The following PRKCZ variants were observed in gnomAD, a reference collection of about 807,000 sequenced individuals.
PRKCZ encodes the protein protein kinase C zeta type.
PRKCZ carries 33 observed loss-of-function variants against 79.5 expected under a neutral mutation model. That is an observed-to-expected ratio of 0.41 (90% confidence interval 0.31 to 0.55). The LOEUF (loss-of-function observed/expected upper bound fraction) is 0.55, where lower values mean the gene tolerates loss of function less well. Among genes scored for constraint, PRKCZ ranks in the 20% least tolerant of loss-of-function variants. The pLI, the probability that PRKCZ is intolerant of heterozygous loss-of-function variation, is 0.19. For missense variants in PRKCZ, 578 were observed against 813.5 expected (o/e 0.71, Z 3.52); for synonymous variants, 342 against 320.9 (o/e 1.07, Z -0.70).
chr1:2,097,508 A>G (rs377731632), intron 4 of PRKCZ, among the ~76,000 whole-genome samples: 2 of 152,312 alleles, frequency 1.3e-5, no homozygotes, highest in African/African-American at 4.8e-5. Context: ...GGACCCGGTG[A>G]GCCAGTGACT....
rs1161531808 is a variant in PRKCZ, at chr1:2,177,554, C to G, written c.1575+2241C>G. ...TGTGGAGTGACGGGCTCCTTCTCTT[C>G]GGAGCACTGTCTAATCTGAGTGTGA... On this transcript the variant is annotated intron_variant, in intron 16 of 17. Transcript: ENST00000378567. The surrounding 1 kb of genome is among the most constrained non-coding windows in gnomAD (Gnocchi z 6.4). Among the ~76,000 whole-genome samples the G allele has an allele frequency of 2.6e-5, 4 of 152,186 alleles. No homozygotes were observed. Among genetic ancestry groups the G allele is most frequent in the Non-Finnish European group, 4.4e-5 (3 of 68,032 alleles).
intron 5 of PRKCZ, among the ~76,000 whole-genome samples, chr1:2,135,712 C>G (rs375672892): frequency 6.6e-6 from 1 of 152,212 alleles, no homozygotes; most frequent in Non-Finnish European, 1.5e-5. Context: ...TGTTTTCAGC[C>G]GCACACAGTG....
chr1:2,079,069 T>G (rs988522150), intron 4 of PRKCZ, among the ~76,000 whole-genome samples: 1 of 152,148 alleles, frequency 6.6e-6, no homozygotes, highest in Admixed American at 6.5e-5. Context: ...GTCTCGATCT[T>G]CTGACCTTGT....
At chr1:2,153,796 G>A (rs1380104754) in intron 9 of PRKCZ, among the ~76,000 whole-genome samples, 1 of 152,262 alleles carries the variant, frequency 6.6e-6, no homozygotes, top group Non-Finnish European at 1.5e-5. Flanking sequence ...TGTGGGCCGG[G>A]ATGCCGAGGT....
At position 2,175,492 on chromosome 1, in the gene PRKCZ, C is replaced by T. The variant is rs553976582; in HGVS notation, c.1575+179C>T. Among the ~76,000 whole-genome samples, 13 of 144,068 alleles carry T rather than the reference C, an allele frequency of 9.0e-5. 1 individual carries two copies. In the South Asian group the frequency reaches 2.3e-3, roughly 25 times the overall value. 94.5% of individuals were successfully genotyped at this position (144,068 alleles called of 152,430 possible). On this transcript the variant is annotated intron_variant, in intron 16 of 17. Transcript: ENST00000378567. ...CTCACCCCACCACCAACCCAACCCCCAGCCCAACTCCCACCCCAACCCCCA... is the reference window on the plus strand; with the variant it reads ...CTCACCCCACCACCAACCCAACCCCTAGCCCAACTCCCACCCCAACCCCCA...
In PRKCZ at chr1:2,185,273, G is replaced by A. The variant is rs1292561508; in HGVS notation, c.*264G>A. The A allele has an allele frequency of 1.1e-5, 8 of 716,668 alleles. No homozygotes were observed. In the African/African-American group the frequency reaches 1.2e-4, roughly 11 times the overall value. The allele number at this position is 716,668 out of a possible 1,614,324, so 44.4% of individuals were successfully genotyped here. A position where few individuals can be genotyped will look rare whatever the true frequency, so the allele number is the denominator to read the frequency against. On this transcript the variant is annotated 3_prime_UTR_variant, in exon 18 of 18. Transcript: ENST00000378567. The stretch of plus-strand genomic sequence containing the variant: ...GGATCCGCGGGGACCCTGCCGAGGG[G>A]GCTGTCATGCGGTTTCCAAGGTGCA...
intron 4 of PRKCZ, among the ~76,000 whole-genome samples, chr1:2,076,797 G>T (rs1395274923): frequency 6.6e-6 from 1 of 151,932 alleles, no homozygotes; most frequent in Non-Finnish European, 1.5e-5. Flanking sequence ...GAACCAGTCG[G>T]TCGTCCAGTG....
In PRKCZ at chr1:2,173,612, ACCAGTG is replaced by A. The variant is rs1368070239; in HGVS notation, c.1286-282_1286-277del. Among the ~76,000 whole-genome samples the A allele has an allele frequency of 2.0e-5, 3 of 152,222 alleles. No homozygotes were observed. The highest frequency in any genetic ancestry group is 2.9e-5 in the Non-Finnish European group (2 of 68,028). On this transcript the variant is annotated intron_variant, in intron 13 of 17. Coordinates refer to ENST00000378567, the MANE Select transcript of PRKCZ (RefSeq NM_002744.6). This position sits in a 1 kb window ranked among gnomAD's most constrained non-coding sequence, Gnocchi z 5.7. Reference sequence around the variant, plus strand: ...GAGAGGAGGGTCGTCCGCAGGTTCCACCAGTGCCTCGTGCCGGTGTGGTCACAGGTG... The same window carrying A: ...GAGAGGAGGGTCGTCCGCAGGTTCCACCTCGTGCCGGTGTGGTCACAGGTG...
At chr1:2,144,161 G>A (rs930367505) in intron 5 of PRKCZ, 49 bp from the exon 6 acceptor site, 38 of 1,542,238 alleles carry the variant, frequency 2.5e-5, no homozygotes, top group Admixed American at 7.9e-5. Flanking sequence ...TGTCCTCTCC[G>A]CTGGCCCCTC....
chr1:2,122,168 CGTGGTGGTTAGGGTT>C (rs1206052619), intron 4 of PRKCZ, among the ~76,000 whole-genome samples: 5 of 1,628 alleles, frequency 3.1e-3, no homozygotes, highest in Admixed American at 0.013. Context: ...TGGTTAGGGT[CGTGGTGGTTAGGGTT>C]GTGGTGGTTA....
At chr1:2,051,728 G>T (rs1659680981) in intron 1 of PRKCZ, among the ~76,000 whole-genome samples, 1 of 152,168 alleles carries the variant, frequency 6.6e-6, no homozygotes. Context: ...GTGCCCCGGG[G>T]GTCTCTATGG....
intron 10 of PRKCZ, among the ~76,000 whole-genome samples, chr1:2,160,495 G>A (rs977466707): frequency 6.6e-6 from 1 of 152,180 alleles, no homozygotes; most frequent in African/African-American, 2.4e-5. Context: ...CGAGGGCAAT[G>A]GTGTGTGTCA....
At chr1:2,180,006 G>A (rs976841175) in intron 16 of PRKCZ, among the ~76,000 whole-genome samples, 3 of 152,210 alleles carry the variant, frequency 2.0e-5, no homozygotes, top group East Asian at 1.9e-4. Flanking sequence ...TATGGGAGAC[G>A]TGGAGCAGTG....
chr1:2,068,807 G>A (rs559644120), intron 4 of PRKCZ, among the ~76,000 whole-genome samples: 27 of 152,324 alleles, frequency 1.8e-4, no homozygotes, highest in Admixed American at 3.9e-4. Flanking sequence ...TGCCAGTGGC[G>A]CTGGTCATTG....
At chr1:2,181,078 G>A (rs1325819100) in intron 16 of PRKCZ, among the ~76,000 whole-genome samples, 2 of 124,580 alleles carry the variant, frequency 1.6e-5, no homozygotes, top group Non-Finnish European at 3.4e-5. Flanking sequence ...CAGCCCTGCT[G>A]CTTCTCCCCA....
chr1:2,160,258 T>A (rs1470861354), intron 10 of PRKCZ, among the ~76,000 whole-genome samples: 2 of 151,812 alleles, frequency 1.3e-5, no homozygotes, highest in Non-Finnish European at 2.9e-5. Context: ...TGTGTGTGTG[T>A]GTGTGTGTGT....
chr1:2,109,727 T>C (rs561046157), intron 4 of PRKCZ, among the ~76,000 whole-genome samples: 6 of 152,124 alleles, frequency 3.9e-5, no homozygotes, highest in Non-Finnish European at 5.9e-5. Flanking sequence ...GGGCTCTCAT[T>C]CTCCCCATTG....
Position 2,095,417 on chromosome 1 carries a change from A to G in PRKCZ, c.334+35826A>G, listed in dbSNP as rs140707177. Reference sequence around the variant, plus strand: ...GCTGAGCATTGGTGGAGGAGGCCACAACCGGTGCCCAGTGGTTGAGTCGCT... The same window carrying G: ...GCTGAGCATTGGTGGAGGAGGCCACGACCGGTGCCCAGTGGTTGAGTCGCT... On this transcript the variant is annotated intron_variant, in intron 4 of 17. Coordinates refer to ENST00000378567, the MANE Select transcript of PRKCZ (RefSeq NM_002744.6). Among the ~76,000 whole-genome samples, 1,355 of 152,190 alleles carry G rather than the reference A, an allele frequency of 8.9e-3. 29 individuals are homozygous for G. Among genetic ancestry groups the G allele is most frequent in the African/African-American group, 0.031 (1,277 of 41,494 alleles).
Position 2,135,292 on chromosome 1 carries a change from G to A in PRKCZ, c.365G>A (p.Trp122Ter), listed in dbSNP as rs1675954884. Residue 122 changes from tryptophan (W) to a stop codon, truncating the protein, a stop_gained, in exon 5 of 18, where the codon TGG becomes TAG. Transcript: ENST00000378567. LOFTEE classifies it high-confidence loss of function. ...KSIYRRGARR[W>*]RKLYRANGHL... ...ATCTACCGCCGGGGAGCCAGAAGAT[G>A]GAGGAAGCTGTACCGTGCCAACGGC... 3 of 1,613,454 alleles carry A rather than the reference G, an allele frequency of 1.9e-6. No individual in the cohort carries two copies. The highest frequency in any genetic ancestry group is 2.5e-6 in the Non-Finnish European group (3 of 1,179,848).
Sources: allele counts gnomAD v4.1 joint callset (sites outside exome capture counted in the v4.1 genomes callset), GRCh38; gene constraint gnomAD v4.1.1; non-coding constraint Gnocchi (gnomAD v3.1); transcripts MANE v1.5; gene names NCBI Gene and HGNC (gene_info 2026-07-23, HGNC 2026-07-21).